The following TRMT9B variants were observed in gnomAD, a reference collection of about 807,000 sequenced individuals.
TRMT9B encodes tRNA methyltransferase 9B (putative), also known as probable tRNA methyltransferase 9B.
In TRMT9B, 16 loss-of-function variants were observed where a neutral mutation model predicts 11.5. That is an observed-to-expected ratio of 1.39 (90% confidence interval 0.94 to 2.11). The LOEUF (loss-of-function observed/expected upper bound fraction) is 2.11. Ranked by LOEUF, TRMT9B falls within the 30% of genes most tolerant of loss-of-function variation. The probability of loss-of-function intolerance (pLI) is 0.00; values close to 1 mark genes in which losing one functional copy is unlikely to be tolerated. For missense variants in TRMT9B, 941 were observed against 553.8 expected (o/e 1.70, Z -7.02); for synonymous variants, 274 against 192.4 (o/e 1.42, Z -3.51).
At chr8:12,958,510 A>C (rs967785417) in intron 1 of TRMT9B, 1 of 155,652 alleles carries the variant, frequency 6.4e-6, no homozygotes, top group African/African-American at 2.4e-5. Flanking sequence ...AGGTAATTGA[A>C]AGAAACTACC....
intron 2 of TRMT9B, among the ~76,000 whole-genome samples, chr8:13,003,118 C>T (rs984366108): frequency 4.6e-5 from 7 of 152,282 alleles, no homozygotes; most frequent in African/African-American, 1.7e-4. Context: ...CAGAGTCTTC[C>T]AGCAGACTCT....
At position 13,023,187 on chromosome 8, in the gene TRMT9B, A is replaced by T. The variant is rs1814230046; in HGVS notation, c.*1143A>T. On this transcript the variant is annotated 3_prime_UTR_variant, in exon 5 of 5. Transcript: ENST00000524591. ...AGAAGGATGAATATCCAAGACCAAG[A>T]TTGACTAATGATGAGTCTGCATCAA... The T allele has an allele frequency of 6.0e-6, 1 of 167,074 alleles. No homozygotes were observed. The highest frequency in any genetic ancestry group is 1.5e-5 in the Non-Finnish European group (1 of 68,112). The allele number at this position is 167,074 out of a possible 1,614,324, so 10.3% of individuals were successfully genotyped here.
In TRMT9B at chr8:13,022,383, G is replaced by T. The variant is rs952947058; in HGVS notation, c.*339G>T. The T allele has an allele frequency of 1.0e-5, 2 of 198,876 alleles. No individual in the cohort carries two copies. The highest frequency in any genetic ancestry group is 2.3e-5 in the African/African-American group (1 of 42,584). The allele number at this position is 198,876 out of a possible 1,614,324, so 12.3% of individuals were successfully genotyped here. A position where few individuals can be genotyped will look rare whatever the true frequency, so the allele number is the denominator to read the frequency against. On this transcript the variant is annotated 3_prime_UTR_variant, in exon 5 of 5. Transcript: ENST00000524591. ...TCAGTATTACACATTGATTTAAAAA[G>T]ATTATGCTGTTAAATAATCTTTTAA... is the stretch of plus-strand genomic sequence containing the variant.
Position 13,027,799 on chromosome 8 carries a change from G to T in TRMT9B, c.*5755G>T, listed in dbSNP as rs1814869052. 7.3e-6 allele frequency: 1 copy of T among 137,290 alleles called. No individual in the cohort carries two copies. The highest frequency in any genetic ancestry group is 9.2e-5 in the Admixed American group (1 of 10,868). 8.5% of individuals were successfully genotyped at this position (137,290 alleles called of 1,614,324 possible). A position where few individuals can be genotyped will look rare whatever the true frequency, so the allele number is the denominator to read the frequency against. On this transcript the variant is annotated 3_prime_UTR_variant, in exon 5 of 5. Coordinates refer to ENST00000524591, the MANE Select transcript of TRMT9B (RefSeq NM_020844.3). The stretch of plus-strand genomic sequence containing the variant: ...GCAGATGGGAAAACCACGGAAGTGG[G>T]AGGGAATCAAGAAGCATTAACAGAC...
chr8:13,010,466 G>C, intron 3 of TRMT9B: 1 of 984,874 alleles, frequency 1.0e-6, no homozygotes, highest in Non-Finnish European at 1.2e-6. Flanking sequence ...GTCATCAGCT[G>C]TTTGATGAAT....
Position 13,012,756 on chromosome 8 carries a change from T to A in TRMT9B, c.227T>A (p.Leu76Gln). The A allele has an allele frequency of 6.2e-7, 1 of 1,613,948 alleles. No homozygotes were observed. Among genetic ancestry groups the A allele is most frequent in the Non-Finnish European group, 8.5e-7 (1 of 1,179,876 alleles). Residue 76 changes from leucine (L) to glutamine (Q), a missense_variant, in exon 4 of 5, where the codon CTG becomes CAG. Physicochemically the swap from Leu to Gln is moderately radical, Grantham distance 113. Transcript: ENST00000524591. ...HTVGCDYCGP[L>Q]VEIARNRGCE... ...GTGGGCTGTGACTACTGTGGGCCAC[T>A]GGTAGAGATTGCCCGGAATAGAGGA...
At chr8:12,978,291 C>T (rs1228207394) in intron 1 of TRMT9B, among the ~76,000 whole-genome samples, 1 of 152,176 alleles carries the variant, frequency 6.6e-6, no homozygotes, top group African/African-American at 2.4e-5. Context: ...TATCGATCAG[C>T]CCAAGAACCA....
Position 13,021,009 on chromosome 8 carries a change from CAT to C in TRMT9B, c.332_333del (p.Ile111ThrfsTer41). The C allele has an allele frequency of 6.5e-7, 1 of 1,532,712 alleles. No homozygotes were observed. Among genetic ancestry groups the C allele is most frequent in the Non-Finnish European group, 8.8e-7 (1 of 1,139,438 alleles). The allele number at this position is 1,532,712 out of a possible 1,614,324, so 94.9% of individuals were successfully genotyped here. ...GAGATCTAGTTTTGTCTTTTTCAGTCATACATCATTTTTCTACAAAACAAAGA... is the reference window on the plus strand; with the variant it reads ...GAGATCTAGTTTTGTCTTTTTCAGTCACATCATTTTTCTACAAAACAAAGA... ...GFDAIISIGV[I>X]HHFSTKQRRI... On this transcript the variant is annotated frameshift_variant and splice_region_variant, in exon 5 of 5. Coordinates refer to ENST00000524591, the MANE Select transcript of TRMT9B (RefSeq NM_020844.3). LOFTEE classifies it low-confidence loss of function (END_TRUNC).
At chr8:12,975,729 C>G (rs1049751696) in intron 1 of TRMT9B, among the ~76,000 whole-genome samples, 2 of 137,194 alleles carry the variant, frequency 1.5e-5, no homozygotes, top group Non-Finnish European at 3.1e-5. Context: ...CAGAGCAAGA[C>G]TGTCTCAAAA....
chr8:12,994,502 A>G (rs1180021416), intron 2 of TRMT9B, among the ~76,000 whole-genome samples: 2 of 151,964 alleles, frequency 1.3e-5, no homozygotes, highest in Non-Finnish European at 2.9e-5. Context: ...CTTCAAACAC[A>G]TCAAGTGCCC....
chr8:13,012,176 CT>C (rs1563426416), intron 3 of TRMT9B: 1 of 985,256 alleles, frequency 1.0e-6, no homozygotes, highest in Non-Finnish European at 1.2e-6. Flanking sequence ...TTCCTATTGC[CT>C]TTCTCTCTTC....
intron 1 of TRMT9B, among the ~76,000 whole-genome samples, chr8:12,977,856 A>C (rs200730050): frequency 2.0e-5 from 3 of 151,532 alleles, no homozygotes; most frequent in Admixed American, 1.3e-4. Context: ...CTCTACAAAA[A>C]AAAAAGAAAA....
chr8:12,997,215 G>A (rs898039894), intron 2 of TRMT9B, among the ~76,000 whole-genome samples: 7 of 151,978 alleles, frequency 4.6e-5, no homozygotes, highest in African/African-American at 1.7e-4. Flanking sequence ...TCGGGTTATG[G>A]TGGTGGATCC....
intron 1 of TRMT9B, among the ~76,000 whole-genome samples, chr8:12,973,929 A>T (rs1804019507): frequency 6.6e-6 from 1 of 152,136 alleles, no homozygotes. Flanking sequence ...GGAGGCTGAG[A>T]TGGGAGGATC....
At chr8:13,007,697 T>C (rs1046526741) in intron 3 of TRMT9B, 1 of 152,164 alleles carries the variant, frequency 6.6e-6, no homozygotes, top group African/African-American at 2.4e-5. Flanking sequence ...TTACCACGTA[T>C]AATCTAAGTA....
At chr8:13,020,366 C>G (rs1038846937) in intron 4 of TRMT9B, among the ~76,000 whole-genome samples, 1 of 152,196 alleles carries the variant, frequency 6.6e-6, no homozygotes, top group Non-Finnish European at 1.5e-5. Context: ...TAAAGGCAGT[C>G]TTACTTGAAG....
chr8:12,951,670 C>T (rs1211323392), intron 1 of TRMT9B: 3 of 151,910 alleles, frequency 2.0e-5, no homozygotes, highest in African/African-American at 4.8e-5. Flanking sequence ...ACAGCTGAGC[C>T]CGAGCGCCGC....
chr8:13,024,612 A>G lies in TRMT9B; in HGVS notation c.*2568A>G. The G allele has an allele frequency of 6.0e-6, 1 of 166,976 alleles. No individual in the cohort carries two copies. 10.3% of individuals were successfully genotyped at this position (166,976 alleles called of 1,614,324 possible). On this transcript the variant is annotated 3_prime_UTR_variant, in exon 5 of 5. Transcript: ENST00000524591. ...GACTTGGTGGAACTCAGTTTACCAG[A>G]CTCTTTAGCCTTTGAGCTAAACTGT... is the stretch of plus-strand genomic sequence containing the variant.
chr8:13,008,249 C>T (rs959633721), intron 3 of TRMT9B, among the ~76,000 whole-genome samples: 2 of 152,164 alleles, frequency 1.3e-5, no homozygotes, highest in African/African-American at 4.8e-5. Flanking sequence ...ATATTTTGTC[C>T]ATCAGAGACA....
Sources: gnomAD v4.1 joint callset for allele counts (sites outside exome capture counted in the v4.1 genomes callset) on GRCh38, gnomAD v4.1.1 for gene constraint, MANE v1.5 for transcripts, NCBI Gene and HGNC (gene_info 2026-07-23, HGNC 2026-07-21) for gene names.